Variants in CREB5 observed in about 807,000 individuals in gnomAD.
The protein encoded by CREB5 is cAMP responsive element binding protein 5.
CREB5 carries 19 observed loss-of-function variants against 57.1 expected under a neutral mutation model. The observed-to-expected ratio is 0.33, with a 90% confidence interval of 0.23 to 0.49. The LOEUF (loss-of-function observed/expected upper bound fraction) is 0.49. Ranked by LOEUF, CREB5 falls within the 20% of genes least tolerant of loss-of-function variation. CREB5 has a pLI of 0.99. For missense variants in CREB5, 579 were observed against 671.6 expected (o/e 0.86, Z 1.52); for synonymous variants, 238 against 238.3 (o/e 1.00, Z 0.01).
intron 4 of CREB5, among the ~76,000 whole-genome samples, chr7:28,548,535 C>T (rs769657999): frequency 1.3e-5 from 2 of 152,086 alleles, no homozygotes; most frequent in Non-Finnish European, 2.9e-5. Context: ...TGGGGCCAAA[C>T]GAATGTGGAG....
chr7:28,692,843 C>T (rs1801344257), intron 5 of CREB5, among the ~76,000 whole-genome samples: 1 of 152,184 alleles, frequency 6.6e-6, no homozygotes, highest in Non-Finnish European at 1.5e-5. Context: ...AGAGTAATTT[C>T]TTAAAGACTT....
At chr7:28,757,228 A>G (rs1248974818) in intron 7 of CREB5, among the ~76,000 whole-genome samples, 11 of 152,248 alleles carry the variant, frequency 7.2e-5, no homozygotes, top group Admixed American at 7.2e-4. Context: ...ACTGAAGCAC[A>G]GAAAGAGTAA....
At chr7:28,354,510 C>T (rs1262955797) in intron 1 of CREB5, among the ~76,000 whole-genome samples, 1 of 152,144 alleles carries the variant, frequency 6.6e-6, no homozygotes, top group Non-Finnish European at 1.5e-5. Context: ...TATTGTGGGA[C>T]TTTGTGATCA....
At chr7:28,407,340 C>T (rs1275519291) in intron 1 of CREB5, among the ~76,000 whole-genome samples, 3 of 152,162 alleles carry the variant, frequency 2.0e-5, no homozygotes, top group South Asian at 2.1e-4. Context: ...TGTGAACCAC[C>T]GTGCCCGGCC....
chr7:28,445,699 C>G (rs979628874), intron 1 of CREB5, among the ~76,000 whole-genome samples: 1 of 151,992 alleles, frequency 6.6e-6, no homozygotes, highest in Non-Finnish European at 1.5e-5. Flanking sequence ...CTACAGGCGC[C>G]CGCCACCACG....
rs1397759313 is a variant in CREB5, at chr7:28,724,247, C to T, written c.617C>T (p.Ser206Phe). Reference sequence around the variant, plus strand: ...ATGGAGCGACAAATGTCAGTGAACTCCAGCATCATGGGGATGCAAGGTCCA... The same window carrying T: ...ATGGAGCGACAAATGTCAGTGAACTTCAGCATCATGGGGATGCAAGGTCCA... ...MPMERQMSVN[S>F]SIMGMQGPNL... The change falls in exon 7 of 11, where the codon TCC becomes TTC. Residue 206 changes from serine to phenylalanine, a missense_variant. Coordinates refer to ENST00000357727, the MANE Select transcript of CREB5 (RefSeq NM_182898.4). The T allele has an allele frequency of 6.2e-7, 1 of 1,613,400 alleles. No homozygotes were observed. Among genetic ancestry groups the T allele is most frequent in the Non-Finnish European group, 8.5e-7 (1 of 1,179,750 alleles).
At chr7:28,469,616 A>T (rs1217958207) in intron 1 of CREB5, among the ~76,000 whole-genome samples, 1 of 152,218 alleles carries the variant, frequency 6.6e-6, no homozygotes, top group Non-Finnish European at 1.5e-5. Flanking sequence ...CCATATTTAC[A>T]TGATTATAGA....
In CREB5 at chr7:28,819,171, C is replaced by A. The variant is rs745534589; in HGVS notation, c.1419C>A (p.Val473=). ...TCCCAGCTTGCTCCCAGCAACAAGT[C>A]ATCCAGCATAATACCATCACTACTT... ...SPVPACSQQQ[V]IQHNTITTSS... Residue 473 remains valine (V), a synonymous_variant, in exon 11 of 11, where the codon GTC becomes GTA. Transcript: ENST00000357727. 1 of 1,613,790 alleles carries A rather than the reference C, an allele frequency of 6.2e-7. No homozygotes were observed.
intron 6 of CREB5, among the ~76,000 whole-genome samples, chr7:28,719,093 G>A (rs1802872817): frequency 6.6e-6 from 1 of 152,172 alleles, no homozygotes; most frequent in South Asian, 2.1e-4. Context: ...GCTTTGCTAT[G>A]AGATATGGTC....
chr7:28,667,045 G>A (rs1799853540), intron 5 of CREB5, among the ~76,000 whole-genome samples: 1 of 152,028 alleles, frequency 6.6e-6, no homozygotes, highest in Non-Finnish European at 1.5e-5. Flanking sequence ...CAAGACTTGG[G>A]GATCTGCTTT....
chr7:28,305,924 T>C (rs570662203), intron 1 of CREB5, among the ~76,000 whole-genome samples: 2 of 152,028 alleles, frequency 1.3e-5, no homozygotes, highest in Non-Finnish European at 2.9e-5. Flanking sequence ...AAATAGTGTG[T>C]GCGTGTGTGT....
chr7:28,725,269 C>T lies in CREB5; in HGVS notation c.702+937C>T, dbSNP rs112221841. On this transcript the variant is annotated intron_variant, in intron 7 of 10. Transcript: ENST00000357727. ...TGAAAGTTAGCCATCAATTCCTGTGCAGGGTGGAGTCAGACCCAGTGACTT... is the reference window on the plus strand; with the variant it reads ...TGAAAGTTAGCCATCAATTCCTGTGTAGGGTGGAGTCAGACCCAGTGACTT... Among the ~76,000 whole-genome samples the T allele has an allele frequency of 1.5e-3, 229 of 152,316 alleles. 2 individuals carry two copies. The highest frequency in any genetic ancestry group is 4.6e-3 in the African/African-American group (191 of 41,566).
Position 28,813,546 on chromosome 7 carries a change from A to C in CREB5, c.1254+4132A>C, listed in dbSNP as rs78636447. Among the ~76,000 whole-genome samples, 204 of 152,354 alleles carry C rather than the reference A, an allele frequency of 1.3e-3. 1 individual carries two copies. The highest frequency in any genetic ancestry group is 4.7e-3 in the African/African-American group (196 of 41,582). On this transcript the variant is annotated intron_variant, in intron 9 of 10. Coordinates refer to ENST00000357727, the MANE Select transcript of CREB5 (RefSeq NM_182898.4). The stretch of plus-strand genomic sequence containing the variant: ...TTCAGAGTGAACCAAACCTGGTCTC[A>C]GCTAATCTACCAAAACAAAAAAGCT...
chr7:28,446,243 C>T (rs1456829693), intron 1 of CREB5, among the ~76,000 whole-genome samples: 1 of 152,148 alleles, frequency 6.6e-6, no homozygotes, highest in Non-Finnish European at 1.5e-5. Context: ...CTCCTGCCTC[C>T]CCAGCTCCAG....
rs561182352 is a variant in CREB5, at chr7:28,804,290, G to A, written c.794G>A (p.Arg265Gln). 2.7e-5 allele frequency: 43 copies of A among 1,613,928 alleles called. No homozygotes were observed. The highest frequency in any genetic ancestry group is 4.5e-5 in the East Asian group (2 of 44,868). ...MGHMMEMMGS[R>Q]QDQTPHHHMH... ...CACATGATGGAGATGATGGGCTCCC[G>A]GCAGGACCAGACGCCACACCATCAC... The change falls in exon 8 of 11, where the codon CGG becomes CAG. Residue 265 changes from arginine to glutamine, a missense_variant. Arg to Gln is a conservative substitution (Grantham distance 43). Transcript: ENST00000357727.
At chr7:28,414,499 C>T (rs1454401856) in intron 1 of CREB5, among the ~76,000 whole-genome samples, 10 of 152,030 alleles carry the variant, frequency 6.6e-5, no homozygotes, top group Admixed American at 2.6e-4. Flanking sequence ...GGGCAATTGC[C>T]TTAAATATCT....
chr7:28,675,237 G>A (rs1387285779), intron 5 of CREB5, among the ~76,000 whole-genome samples: 3 of 152,154 alleles, frequency 2.0e-5, no homozygotes, highest in East Asian at 3.8e-4. Flanking sequence ...TGCTGTTTAC[G>A]TGTTGATTAT....
At chr7:28,685,261 G>A (rs1800812354) in intron 5 of CREB5, among the ~76,000 whole-genome samples, 1 of 152,190 alleles carries the variant, frequency 6.6e-6, no homozygotes, top group Admixed American at 6.5e-5. Flanking sequence ...AGAAAGGCAA[G>A]TTTTGTGTTT....
At chr7:28,762,253 T>C (rs1326763381) in intron 7 of CREB5, among the ~76,000 whole-genome samples, 4 of 152,292 alleles carry the variant, frequency 2.6e-5, no homozygotes, top group East Asian at 3.9e-4. Context: ...AATCTGAAGA[T>C]AAAATAAACA....
Sources: allele counts gnomAD v4.1 joint callset (sites outside exome capture counted in the v4.1 genomes callset), GRCh38; gene constraint gnomAD v4.1.1; transcripts MANE v1.5; gene names NCBI Gene and HGNC (gene_info 2026-07-23, HGNC 2026-07-21).